Variants in LPCAT2 observed in about 807,000 individuals in gnomAD.
LPCAT2 encodes the protein 1-AGP acyltransferase 11.
LPCAT2 carries 58 observed loss-of-function variants against 64.7 expected under a neutral mutation model. That is an observed-to-expected ratio of 0.90 (90% CI 0.73 to 1.12). LPCAT2 has a LOEUF of 1.12. Ranked by LOEUF, LPCAT2 falls within the 50% of genes most tolerant of loss-of-function variation. The pLI is 0.00. For missense variants in LPCAT2, 579 were observed against 669.8 expected (o/e 0.86, Z 1.50); for synonymous variants, 252 against 245.3 (o/e 1.03, Z -0.26).
In LPCAT2 at chr16:55,519,480, G is replaced by T. The variant is rs552465804; in HGVS notation, c.172-6028G>T. ...GCTGAGATCCCGTCACTGCACTCCAGCCTGGGAGACAGAGCGAGACTCCAT... is the reference window on the plus strand; with the variant it reads ...GCTGAGATCCCGTCACTGCACTCCATCCTGGGAGACAGAGCGAGACTCCAT... On this transcript the variant is annotated intron_variant, in intron 1 of 13. Coordinates refer to ENST00000262134, the MANE Select transcript of LPCAT2 (RefSeq NM_017839.5). Among the ~76,000 whole-genome samples the T allele has an allele frequency of 2.7e-4, 40 of 148,696 alleles. 1 individual carries two copies. The highest frequency in any genetic ancestry group is 4.6e-4 in the Non-Finnish European group (31 of 67,396).
Position 55,529,875 on chromosome 16 carries a change from A to G in LPCAT2, c.570A>G (p.Val190=), listed in dbSNP as rs372553593. The G allele has an allele frequency of 2.9e-5, 46 of 1,612,502 alleles. No homozygotes were observed. The Middle Eastern group carries it at 1.6e-3, about 58-fold the overall frequency. ...TGCAACCAGTTTTGGTGTCCCGTGT[A>G]GATCCGGATTCCCGAAAAAACACAA... is the stretch of plus-strand genomic sequence containing the variant. ...RAVQPVLVSR[V]DPDSRKNTIN... The change falls in exon 4 of 14, where the codon GTA becomes GTG. Residue 190 remains valine (V), a synonymous_variant. Coordinates refer to ENST00000262134, the MANE Select transcript of LPCAT2 (RefSeq NM_017839.5).
intron 11 of LPCAT2, among the ~76,000 whole-genome samples, chr16:55,564,546 A>AT (rs1963671080): frequency 1.3e-5 from 2 of 151,936 alleles, no homozygotes; most frequent in South Asian, 4.1e-4. Flanking sequence ...ACCCTTGTGT[A>AT]TATGGTCATA....
chr16:55,527,258 C>T (rs949068040), intron 2 of LPCAT2, among the ~76,000 whole-genome samples: 2 of 151,820 alleles, frequency 1.3e-5, no homozygotes, highest in East Asian at 1.9e-4. Context: ...CTGAGGCAGG[C>T]GGATCACTTG....
At chr16:55,579,335 A>G (rs1247702155) in intron 13 of LPCAT2, 91 bp downstream of exon 13, 2 of 1,204,020 alleles carry the variant, frequency 1.7e-6, no homozygotes, top group Non-Finnish European at 2.3e-6. Flanking sequence ...CTCTTAACTA[A>G]TTACATTAAT....
At chr16:55,533,247 T>G (rs1352099490) in intron 6 of LPCAT2, among the ~76,000 whole-genome samples, 1 of 152,074 alleles carries the variant, frequency 6.6e-6, no homozygotes, top group African/African-American at 2.4e-5. Context: ...CAGTGGTCAT[T>G]ACTAGTGAAG....
chr16:55,518,522 T>G (rs1175368661), intron 1 of LPCAT2, among the ~76,000 whole-genome samples: 1 of 152,188 alleles, frequency 6.6e-6, no homozygotes, highest in Non-Finnish European at 1.5e-5. Context: ...TTTCTCATTT[T>G]CAAAACGTAC....
intron 8 of LPCAT2, chr16:55,539,202 T>G (rs1340519734): frequency 6.6e-6 from 1 of 151,900 alleles, no homozygotes; most frequent in Non-Finnish European, 1.5e-5. Flanking sequence ...TTTTTTTTTT[T>G]GTCATGACCA....
At chr16:55,530,609 C>T (rs566115503) in intron 4 of LPCAT2, among the ~76,000 whole-genome samples, 1 of 152,190 alleles carries the variant, frequency 6.6e-6, no homozygotes, top group East Asian at 1.9e-4. Context: ...CTACAGTTAT[C>T]TAGCCACACA....
At chr16:55,540,507 C>T (rs1963382766) in intron 8 of LPCAT2, 1 of 152,172 alleles carries the variant, frequency 6.6e-6, no homozygotes, top group Non-Finnish European at 1.5e-5. Context: ...TAGTTTATCT[C>T]ATGAGAGAGA....
At chr16:55,565,983 T>A (rs1325676211) in intron 11 of LPCAT2, among the ~76,000 whole-genome samples, 1 of 152,198 alleles carries the variant, frequency 6.6e-6, no homozygotes, top group Non-Finnish European at 1.5e-5. Context: ...GTGTTAGATG[T>A]CAGGACAGTG....
chr16:55,519,973 A>C (rs1963072418), intron 1 of LPCAT2, among the ~76,000 whole-genome samples: 1 of 152,208 alleles, frequency 6.6e-6, no homozygotes, highest in African/African-American at 2.4e-5. Context: ...GGAAGAAAAC[A>C]GAAAAGGAGA....
At chr16:55,570,216 A>T (rs6499766) in intron 11 of LPCAT2, among the ~76,000 whole-genome samples, 83,110 of 152,012 alleles carry the variant, frequency 0.55, 23,161 homozygotes, top group East Asian at 0.73. Context: ...ACAGCAAACT[A>T]CCAGAAACAT....
intron 1 of LPCAT2, among the ~76,000 whole-genome samples, chr16:55,521,860 C>T (rs1484038531): frequency 6.6e-6 from 1 of 151,650 alleles, no homozygotes; most frequent in Non-Finnish European, 1.5e-5. Flanking sequence ...CCATCAGATA[C>T]AGGGCATCTA....
intron 1 of LPCAT2, among the ~76,000 whole-genome samples, chr16:55,512,196 A>G (rs182413031): frequency 3.0e-4 from 46 of 152,360 alleles, no homozygotes; most frequent in African/African-American, 1.1e-3. Flanking sequence ...GACTGATAGC[A>G]TAAGTTTCAT....
Position 55,558,387 on chromosome 16 carries a change from G to A in LPCAT2, c.1215+7285G>A, listed in dbSNP as rs182869442. On this transcript the variant is annotated intron_variant, in intron 11 of 13. Transcript: ENST00000262134. ...TCCTTCAGCACCACATTATTCAGCA[G>A]TTGTATGCTGCCCTGGCAGCGGTAT... 7.2e-5 allele frequency among the ~76,000 whole-genome samples: 11 copies of A among 152,354 alleles called. No homozygotes were observed. The East Asian group carries it at 9.6e-4, about 13-fold the overall frequency.
At chr16:55,580,064 T>C (rs1299519624) in intron 13 of LPCAT2, among the ~76,000 whole-genome samples, 3 of 152,328 alleles carry the variant, frequency 2.0e-5, no homozygotes, top group East Asian at 3.9e-4. Context: ...AGCTGGCTTA[T>C]CTTCCCCAGT....
chr16:55,527,625 C>T (rs2142378045), intron 2 of LPCAT2, among the ~76,000 whole-genome samples: 1 of 152,220 alleles, frequency 6.6e-6, no homozygotes, highest in South Asian at 2.1e-4. Context: ...TTTCCCTACT[C>T]AATTGGATCT....
intron 1 of LPCAT2, among the ~76,000 whole-genome samples, chr16:55,521,200 T>G (rs1441455649): frequency 6.6e-6 from 1 of 151,764 alleles, no homozygotes; most frequent in Non-Finnish European, 1.5e-5. Context: ...TAAGGGAACA[T>G]TATTAACAAC....
chr16:55,534,669 A>G (rs1268485569), intron 7 of LPCAT2, among the ~76,000 whole-genome samples, 192 bp downstream of exon 7: 1 of 152,190 alleles, frequency 6.6e-6, no homozygotes, highest in Non-Finnish European at 1.5e-5. Context: ...TATCTTGACC[A>G]CTAACCCCTG....
Sources: gnomAD v4.1 joint callset for allele counts (sites outside exome capture counted in the v4.1 genomes callset) on GRCh38, gnomAD v4.1.1 for gene constraint, MANE v1.5 for transcripts, NCBI Gene and HGNC (gene_info 2026-07-23, HGNC 2026-07-21) for gene names.